ACOX2: variants seen among roughly 807,000 people sequenced by gnomAD.
The protein encoded by ACOX2 is acyl-CoA oxidase 2.
A neutral mutation model predicts 77.5 loss-of-function variants in ACOX2; 59 were observed. The ratio of observed to expected loss-of-function variants is 0.76; its 90% confidence interval spans 0.62 to 0.95. The LOEUF (loss-of-function observed/expected upper bound fraction) is 0.95, where lower values mean the gene tolerates loss of function less well. ACOX2 is among the 40% of genes least tolerant of loss of function. The pLI is 0.00. For missense variants in ACOX2, 837 were observed against 880.4 expected, an observed-to-expected ratio of 0.95 and a Z score of 0.62; for synonymous variants, 317 against 340.1, an observed-to-expected ratio of 0.93 and a Z score of 0.75.
In ACOX2 at chr3:58,528,908, G is replaced by T. The variant is rs2063416634; in HGVS notation, c.1041C>A (p.Leu347=). The part of the protein sequence containing the change: ...VLDYQTQQQK[L]FPQLAISYAF... ...CATAACTGATGGCCAGCTGAGGAAA[G>T]AGTTTCTGCTGTTGTGTCTGGTAGT... Residue 347 remains leucine, a synonymous_variant, in exon 9 of 15, where the codon CTC becomes CTA. Coordinates refer to ENST00000302819, the MANE Select transcript of ACOX2 (RefSeq NM_003500.4). This position sits in a 1 kb window ranked among gnomAD's most constrained non-coding sequence, Gnocchi z 5.6. The T allele has an allele frequency of 6.2e-7, 1 of 1,613,618 alleles. No homozygotes were observed. Among genetic ancestry groups the T allele is most frequent in the Non-Finnish European group, 8.5e-7 (1 of 1,179,772 alleles).
In ACOX2 at chr3:58,531,793, A is replaced by G. The variant is rs57216393; in HGVS notation, c.603T>C (p.His201=). The change falls in exon 6 of 15, where the codon CAT becomes CAC. Residue 201 remains histidine (H), a synonymous_variant. Transcript: ENST00000302819. This position sits in a 1 kb window ranked among gnomAD's most constrained non-coding sequence, Gnocchi z 5.8. Reference sequence around the variant, plus strand: ...AGATCAGCTGGGCCTGGACCAGGGCATGGGTGGCTGACCGTCCCACTGAGG... The same window carrying G: ...AGATCAGCTGGGCCTGGACCAGGGCGTGGGTGGCTGACCGTCCCACTGAGG... ...WPGDLGRSAT[H]ALVQAQLICS... 0.03 allele frequency: 47,980 copies of G among 1,613,950 alleles called. 2,001 individuals carry two copies. The highest frequency in any genetic ancestry group is 0.2 in the African/African-American group (15,006 of 75,006).
chr3:58,534,392 T>C lies in ACOX2; in HGVS notation c.291A>G (p.Leu97=), dbSNP rs778984866. 4 of 1,614,232 alleles carry C rather than the reference T, an allele frequency of 2.5e-6. No homozygotes were observed. The Admixed American group carries it at 5.0e-5, about 20-fold the overall frequency. ...IRLIARRLGW[L]EDGRELGYAY... ...CGTAGCCTAATTCACGACCATCTTC[T>C]AACCAACCCAGGCGCCGAGCTATCA... Residue 97 remains leucine (L), a synonymous_variant, in exon 3 of 15, where the codon TTA becomes TTG. Transcript: ENST00000302819. This position sits in a 1 kb window ranked among gnomAD's most constrained non-coding sequence, Gnocchi z 4.8.
Position 58,524,761 on chromosome 3 carries a change from T to A in ACOX2, c.1347-156A>T, listed in dbSNP as rs949015735. 6.6e-6 allele frequency among the ~76,000 whole-genome samples: 1 copy of A among 152,192 alleles called. No homozygotes were observed. Among genetic ancestry groups the A allele is most frequent in the Non-Finnish European group, 1.5e-5 (1 of 68,012 alleles). ...CTCTGCCTGGCCTCCCTCCTGAGGG[T>A]TCCCCCTCGGGCCGTCCTGCCTCGA... On this transcript the variant is annotated intron_variant, in intron 10 of 14. Transcript: ENST00000302819. This position sits in a 1 kb window ranked among gnomAD's most constrained non-coding sequence, Gnocchi z 5.5.
At position 58,508,935 on chromosome 3, in the gene ACOX2, T is replaced by A. The variant is rs755667073; in HGVS notation, c.1941A>T (p.Glu647Asp). The A allele has an allele frequency of 6.2e-7, 1 of 1,614,168 alleles. No individual in the cohort carries two copies. The highest frequency in any genetic ancestry group is 8.5e-7 in the Non-Finnish European group (1 of 1,180,022). ...ALGCYDGNVY[E>D]RLFQWAQKSP... is the part of the protein sequence containing the mutation. ...ACTTCTGAGCCCACTGGAACAGGCG[T>A]TCGTAGACGTTTCCATCATAACAGC... Residue 647 changes from glutamate (E) to aspartate (D), a missense_variant, in exon 14 of 15, where the codon GAA (glutamate) becomes GAT (aspartate). Transcript: ENST00000302819.
At chr3:58,520,555 C>T (rs1405374182) in intron 12 of ACOX2, among the ~76,000 whole-genome samples, 2 of 152,234 alleles carry the variant, frequency 1.3e-5, no homozygotes, top group Non-Finnish European at 2.9e-5. Flanking sequence ...CAGAATTTAG[C>T]CCGTGGCTCC....
In ACOX2 at chr3:58,522,709, C is replaced by G; in HGVS notation, c.1527-108G>C. On this transcript the variant is annotated intron_variant, in intron 11 of 14. Transcript: ENST00000302819. This position sits in a 1 kb window ranked among gnomAD's most constrained non-coding sequence, Gnocchi z 4.3. Reference sequence around the variant, plus strand: ...AGAAATAATGCCTGTTTATTGACCACTTATGTGCCATAAAGCTAAATGATT... The same window carrying G: ...AGAAATAATGCCTGTTTATTGACCAGTTATGTGCCATAAAGCTAAATGATT... The G allele has an allele frequency of 1.1e-6, 1 of 922,650 alleles. No homozygotes were observed. The allele number at this position is 922,650 out of a possible 1,614,324, so 57.2% of individuals were successfully genotyped here. A position where few individuals can be genotyped will look rare whatever the true frequency, so the allele number is the denominator to read the frequency against.
chr3:58,516,271 C>T (rs1033300558), intron 13 of ACOX2, among the ~76,000 whole-genome samples: 1 of 152,176 alleles, frequency 6.6e-6, no homozygotes, highest in African/African-American at 2.4e-5. Context: ...TGCTTAAGCA[C>T]ATTCAACAAA....
chr3:58,505,225 C>A lies in ACOX2; in HGVS notation c.2045G>T (p.Ter682LeuextTer29), dbSNP rs1328438569. 2.5e-6 allele frequency: 4 copies of A among 1,612,598 alleles called. No individual in the cohort carries two copies. The highest frequency in any genetic ancestry group is 3.4e-6 in the Non-Finnish European group (4 of 1,179,348). ...GCTTCTTGAATACTGTTGGTTATTT[C>A]ATAGCTTGGATCTCCAACTTTGTAA... ...PLLQSWRSKL[*>L] The change falls in exon 15 of 15, where the codon TGA (stop) becomes TTA (leucine). Residue 682 changes from the stop codon to leucine (L), a stop_lost. Coordinates refer to ENST00000302819, the MANE Select transcript of ACOX2 (RefSeq NM_003500.4). The surrounding 1 kb of genome is among the most constrained non-coding windows in gnomAD (Gnocchi z 4.4).
At chr3:58,532,990 G>A (rs1182578413) in intron 5 of ACOX2, among the ~76,000 whole-genome samples, 8 of 152,146 alleles carry the variant, frequency 5.3e-5, no homozygotes, top group South Asian at 2.1e-4. Flanking sequence ...GGTGATGGGC[G>A]TGAGCCTTCC....
chr3:58,533,331 C>A lies in ACOX2; in HGVS notation c.583+114G>T. ...GAACTGACTTGCCCAAGGTCAGCAG[C>A]CTAGAACAGAAAATCAATCTGAGGT... On this transcript the variant is annotated intron_variant, in intron 5 of 14. Coordinates refer to ENST00000302819, the MANE Select transcript of ACOX2 (RefSeq NM_003500.4). The surrounding 1 kb of genome is among the most constrained non-coding windows in gnomAD (Gnocchi z 5.6). 1.0e-6 allele frequency: 1 copy of A among 982,576 alleles called. No individual in the cohort carries two copies. Among genetic ancestry groups the A allele is most frequent in the Non-Finnish European group, 1.6e-6 (1 of 636,832 alleles). 60.9% of individuals were successfully genotyped at this position (982,576 alleles called of 1,614,324 possible).
rs1028538563 is a variant in ACOX2 at position 58,533,805 on chromosome 3, C to T, written c.475+189G>A. 2.6e-6 allele frequency: 2 copies of T among 770,908 alleles called. No homozygotes were observed. The highest frequency in any genetic ancestry group is 2.0e-6 in the Non-Finnish European group (1 of 489,422). The allele number at this position is 770,908 out of a possible 1,614,324, so 47.8% of individuals were successfully genotyped here. A position where few individuals can be genotyped will look rare whatever the true frequency, so the allele number is the denominator to read the frequency against. On this transcript the variant is annotated intron_variant, in intron 4 of 14. Transcript: ENST00000302819. The surrounding 1 kb of genome is among the most constrained non-coding windows in gnomAD (Gnocchi z 5.6). The stretch of plus-strand genomic sequence containing the variant: ...GGAATGACTTGCCCCACTGGGAGCT[C>T]ATACAATACGTGCAAATTAGAAGGT...
chr3:58,524,544 G>A lies in ACOX2; in HGVS notation c.1408C>T (p.Leu470Phe). Residue 470 changes from leucine (L) to phenylalanine (F), a missense_variant, in exon 11 of 15, where the codon CTC becomes TTC. Physicochemically the swap from Leu to Phe is conservative, Grantham distance 22. Transcript: ENST00000302819. This position sits in a 1 kb window ranked among gnomAD's most constrained non-coding sequence, Gnocchi z 5.5. ...MSPGSTPQRSLSPSVAYLTAP... is the reference protein window; with the variant it reads ...MSPGSTPQRSFSPSVAYLTAP... ...GTGAGATATGCGACAGATGGAGAGA[G>A]AGATCTCTGTGGCGTGGAGCCAGGG... is the stretch of plus-strand genomic sequence containing the variant. The A allele has an allele frequency of 6.2e-7, 1 of 1,614,216 alleles. No individual in the cohort carries two copies. The highest frequency in any genetic ancestry group is 8.5e-7 in the Non-Finnish European group (1 of 1,180,040).
At chr3:58,509,687 C>T (rs2107985442) in intron 13 of ACOX2, among the ~76,000 whole-genome samples, 1 of 138,696 alleles carries the variant, frequency 7.2e-6, no homozygotes, top group Admixed American at 7.5e-5. Context: ...CTCACTGCAA[C>T]CTCTACCTCC....
At chr3:58,532,944 A>G (rs1239346429) in intron 5 of ACOX2, among the ~76,000 whole-genome samples, 1 of 152,202 alleles carries the variant, frequency 6.6e-6, no homozygotes, top group Admixed American at 6.5e-5. Flanking sequence ...TGGTGGCCAC[A>G]GCAGGAGGTA....
rs1157785786 is a variant in ACOX2 at position 58,524,294 on chromosome 3, G to A, written c.1526+132C>T. The A allele has an allele frequency of 1.0e-5, 12 of 1,167,810 alleles. No homozygotes were observed. Among genetic ancestry groups the A allele is most frequent in the Non-Finnish European group, 1.4e-5 (12 of 844,136 alleles). The allele number at this position is 1,167,810 out of a possible 1,614,324, so 72.3% of individuals were successfully genotyped here. A position where few individuals can be genotyped will look rare whatever the true frequency, so the allele number is the denominator to read the frequency against. ...TGCCCATGGTGGCAGGAACTGAGAG[G>A]ACCGGGGAGGCTAGGCATGGGGTGG... On this transcript the variant is annotated intron_variant, in intron 11 of 14. Transcript: ENST00000302819. This position sits in a 1 kb window ranked among gnomAD's most constrained non-coding sequence, Gnocchi z 5.5.
chr3:58,524,345 C>T lies in ACOX2; in HGVS notation c.1526+81G>A, dbSNP rs1312891628. ...TTTTTAGAACTGAATCCACGAATGTCCACCCAACCAATCCAAAGGCCCTAG... is the reference window on the plus strand; with the variant it reads ...TTTTTAGAACTGAATCCACGAATGTTCACCCAACCAATCCAAAGGCCCTAG... On this transcript the variant is annotated intron_variant, in intron 11 of 14. Transcript: ENST00000302819. This position sits in a 1 kb window ranked among gnomAD's most constrained non-coding sequence, Gnocchi z 5.5. 4 of 1,525,714 alleles carry T rather than the reference C, an allele frequency of 2.6e-6. No individual in the cohort carries two copies. The highest frequency in any genetic ancestry group is 3.6e-6 in the Non-Finnish European group (4 of 1,125,212). The allele number at this position is 1,525,714 out of a possible 1,614,324, so 94.5% of individuals were successfully genotyped here.
intron 13 of ACOX2, among the ~76,000 whole-genome samples, chr3:58,509,960 C>T (rs780776297): frequency 2.1e-4 from 32 of 152,228 alleles, no homozygotes; most frequent in Non-Finnish European, 3.7e-4. Context: ...GTCAAAATAT[C>T]TTGTTTATAT....
Position 58,528,788 on chromosome 3 carries a change from A to G in ACOX2, c.1155+6T>C, listed in dbSNP as rs1263289745. ...CAGCGCCTGCCCCTCCGCAGACAGCAGGTACCTCAGGCAGGAAGCTGAAGT... is the reference window on the plus strand; with the variant it reads ...CAGCGCCTGCCCCTCCGCAGACAGCGGGTACCTCAGGCAGGAAGCTGAAGT... On this transcript the variant is annotated splice_donor_region_variant and intron_variant, in intron 9 of 14. Transcript: ENST00000302819. This position sits in a 1 kb window ranked among gnomAD's most constrained non-coding sequence, Gnocchi z 5.6. 6.2e-7 allele frequency: 1 copy of G among 1,603,648 alleles called. No individual in the cohort carries two copies. Among genetic ancestry groups the G allele is most frequent in the Non-Finnish European group, 8.5e-7 (1 of 1,174,866 alleles).
chr3:58,536,442 A>G (rs1456670004), intron 1 of ACOX2, among the ~76,000 whole-genome samples: 2 of 151,946 alleles, frequency 1.3e-5, no homozygotes. Context: ...AAGGGAGGAG[A>G]CTTTATAAGG....
Sources: gnomAD v4.1 joint callset for allele counts (sites outside exome capture counted in the v4.1 genomes callset) on GRCh38, gnomAD v4.1.1 for gene constraint, Gnocchi (gnomAD v3.1) non-coding constraint, MANE v1.5 for transcripts, NCBI Gene and HGNC (gene_info 2026-07-23, HGNC 2026-07-21) for gene names.